The following CD2AP variants were observed in gnomAD, a reference collection of about 807,000 sequenced individuals.
The protein encoded by CD2AP is CD2-associated protein.
CD2AP carries 46 observed loss-of-function variants against 85.1 expected under a neutral mutation model. The ratio of observed to expected loss-of-function variants is 0.54; its 90% confidence interval spans 0.43 to 0.69. The LOEUF (loss-of-function observed/expected upper bound fraction) is 0.69, where lower values mean the gene tolerates loss of function less well. CD2AP is among the 30% of genes least tolerant of loss of function. The pLI, the probability that CD2AP is intolerant of heterozygous loss-of-function variation, is 0.00. For missense variants in CD2AP, 769 were observed against 729.5 expected (o/e 1.05, Z -0.62); for synonymous variants, 255 against 252.9 (o/e 1.01, Z -0.08).
At chr6:47,481,219 G>C (rs993338094) in intron 1 of CD2AP, among the ~76,000 whole-genome samples, 3 of 152,150 alleles carry the variant, frequency 2.0e-5, no homozygotes, top group African/African-American at 7.2e-5. Flanking sequence ...TTTTATTTTT[G>C]GAAGAGTAAG....
chr6:47,537,838 T>C (rs919993117), intron 3 of CD2AP, among the ~76,000 whole-genome samples: 5 of 151,782 alleles, frequency 3.3e-5, no homozygotes, highest in African/African-American at 7.3e-5. Context: ...CTGGAGTTCA[T>C]TGGCACAATC....
At position 47,554,626 on chromosome 6, in the gene CD2AP, T is replaced by C; in HGVS notation, c.421-20T>C. The C allele has an allele frequency of 6.2e-7, 1 of 1,613,486 alleles. No homozygotes were observed. Among genetic ancestry groups the C allele is most frequent in the Non-Finnish European group, 8.5e-7 (1 of 1,179,614 alleles). On this transcript the variant is annotated intron_variant, in intron 4 of 17. Coordinates refer to ENST00000359314, the MANE Select transcript of CD2AP (RefSeq NM_012120.3). Reference sequence around the variant, plus strand: ...ACTTAACAGAAGTTGTTTTTGCTTTTGAATTGTGAACTTTTTCAGGTAGAA... The same window carrying C: ...ACTTAACAGAAGTTGTTTTTGCTTTCGAATTGTGAACTTTTTCAGGTAGAA...
At chr6:47,509,671 T>C (rs9395267) in intron 2 of CD2AP, among the ~76,000 whole-genome samples, 133,110 of 152,170 alleles carry the variant, frequency 0.87, 58,528 homozygotes, top group Non-Finnish European at 0.92. Context: ...ATGCAGATAC[T>C]ATGGAAACTG....
intron 8 of CD2AP, among the ~76,000 whole-genome samples, chr6:47,578,334 GA>G (rs1310212329): frequency 6.6e-6 from 1 of 152,018 alleles, no homozygotes; most frequent in East Asian, 1.9e-4. Context: ...CTAAGTAGCT[GA>G]GACTACTACA....
chr6:47,497,950 A>C (rs1272156812), intron 1 of CD2AP, among the ~76,000 whole-genome samples: 3 of 152,148 alleles, frequency 2.0e-5, no homozygotes, highest in African/African-American at 4.8e-5. Flanking sequence ...CTGCAAATTT[A>C]GTACTTATTT....
intron 2 of CD2AP, 147 bp downstream of exon 2, chr6:47,503,587 T>C: frequency 1.4e-6 from 1 of 718,594 alleles, no homozygotes; most frequent in South Asian, 1.8e-5. Context: ...GGTACCTCTA[T>C]AATGGATATC....
At chr6:47,488,842 G>A (rs980431383) in intron 1 of CD2AP, among the ~76,000 whole-genome samples, 13 of 152,074 alleles carry the variant, frequency 8.5e-5, no homozygotes, top group Non-Finnish European at 1.5e-4. Flanking sequence ...AGCGAGCCAT[G>A]ATTGTGCCAT....
intron 1 of CD2AP, among the ~76,000 whole-genome samples, chr6:47,481,278 T>C (rs1297554175): frequency 1.3e-5 from 2 of 152,174 alleles, no homozygotes; most frequent in Non-Finnish European, 2.9e-5. Context: ...GATAAGGCGG[T>C]GAACTTTTTA....
chr6:47,599,400 A>G lies in CD2AP; in HGVS notation c.1374A>G (p.Ser458=). 2 of 1,612,480 alleles carry G rather than the reference A, an allele frequency of 1.2e-6. No individual in the cohort carries two copies. Among genetic ancestry groups the G allele is most frequent in the East Asian group, 2.2e-5 (1 of 44,756 alleles). ...AACAGCTGCCCCTTAGACCAAAATC[A>G]GTAGACTTTGATTCACTTACAGTAA... ...DSEQLPLRPK[S]VDFDSLTVRT... is the part of the protein sequence containing the mutation. Residue 458 remains serine, a synonymous_variant, in exon 13 of 18, where the codon TCA becomes TCG. Transcript: ENST00000359314.
intron 3 of CD2AP, among the ~76,000 whole-genome samples, chr6:47,540,365 C>T (rs1477494969): frequency 6.6e-6 from 1 of 151,498 alleles, no homozygotes; most frequent in Non-Finnish European, 1.5e-5. Context: ...CTCAAAGTGC[C>T]CCCTTAATTG....
rs528448995 is a variant in CD2AP, at chr6:47,553,390, A to G, written c.421-1256A>G. Among the ~76,000 whole-genome samples, 38 of 149,564 alleles carry G rather than the reference A, an allele frequency of 2.5e-4. No homozygotes were observed. In the East Asian group the frequency reaches 6.8e-3, roughly 27 times the overall value. ...GAGCTGGAGTCTCACTATGTTGCCC[A>G]GGATGGAGAGCAGTGGCGCCATCTC... is the stretch of plus-strand genomic sequence containing the variant. On this transcript the variant is annotated intron_variant, in intron 4 of 17. Coordinates refer to ENST00000359314, the MANE Select transcript of CD2AP (RefSeq NM_012120.3).
intron 1 of CD2AP, among the ~76,000 whole-genome samples, chr6:47,502,145 A>T (rs1564924): frequency 0.31 from 47,699 of 151,958 alleles, 8,647 homozygotes; most frequent in Middle Eastern, 0.52. Flanking sequence ...CAGTTTCCTG[A>T]TGTCAGTCAG....
At chr6:47,514,809 T>G (rs1027310403) in intron 2 of CD2AP, among the ~76,000 whole-genome samples, 2 of 152,164 alleles carry the variant, frequency 1.3e-5, no homozygotes, top group African/African-American at 4.8e-5. Context: ...CCCACCCTTT[T>G]GGGAGGCCAA....
intron 2 of CD2AP, among the ~76,000 whole-genome samples, chr6:47,508,708 C>G (rs972535609): frequency 6.6e-6 from 1 of 152,036 alleles, no homozygotes; most frequent in Admixed American, 6.5e-5. Flanking sequence ...CCACGCCCAG[C>G]TAATTTTTGT....
At chr6:47,582,868 C>T (rs1402990710) in intron 11 of CD2AP, among the ~76,000 whole-genome samples, 5 of 151,268 alleles carry the variant, frequency 3.3e-5, no homozygotes, top group African/African-American at 9.7e-5. Context: ...CTGCAAGCTC[C>T]GCCTCCTGGG....
intron 1 of CD2AP, among the ~76,000 whole-genome samples, chr6:47,486,759 C>A (rs1044519687): frequency 2.0e-5 from 3 of 152,148 alleles, no homozygotes; most frequent in Non-Finnish European, 4.4e-5. Flanking sequence ...AACATCTAGA[C>A]TGACTTTAAA....
At chr6:47,519,764 A>G (rs186350912) in intron 2 of CD2AP, among the ~76,000 whole-genome samples, 3 of 152,194 alleles carry the variant, frequency 2.0e-5, no homozygotes, top group African/African-American at 4.8e-5. Context: ...TTAGTCAACA[A>G]ATTTTTTTGA....
intron 2 of CD2AP, among the ~76,000 whole-genome samples, chr6:47,512,658 T>TA (rs1766349687): frequency 6.6e-6 from 1 of 152,242 alleles, no homozygotes; most frequent in Admixed American, 6.5e-5. Flanking sequence ...CACAAGGATC[T>TA]ATGAACTTAA....
At chr6:47,565,941 C>T (rs1767981569) in intron 5 of CD2AP, among the ~76,000 whole-genome samples, 1 of 152,044 alleles carries the variant, frequency 6.6e-6, no homozygotes, top group Non-Finnish European at 1.5e-5. Flanking sequence ...ATCTGGCATC[C>T]CCATATCCCT....
Sources: allele counts gnomAD v4.1 joint callset (sites outside exome capture counted in the v4.1 genomes callset), GRCh38; gene constraint gnomAD v4.1.1; transcripts MANE v1.5; gene names NCBI Gene and HGNC (gene_info 2026-07-23, HGNC 2026-07-21).